Variants in ABCA13 observed in about 807,000 individuals in gnomAD.
ABCA13 encodes the protein ATP-binding cassette sub-family A member 13.
ABCA13 carries 476 observed loss-of-function variants against 478.7 expected under a neutral mutation model. The observed-to-expected ratio is 0.99, with a 90% confidence interval of 0.92 to 1.07. The LOEUF (loss-of-function observed/expected upper bound fraction) is 1.07, where lower values mean the gene tolerates loss of function less well. Ranked by LOEUF, ABCA13 falls within the 50% of genes least tolerant of loss-of-function variation. The pLI, the probability that ABCA13 is intolerant of heterozygous loss-of-function variation, is 0.00. For missense variants in ABCA13, 6,060 were observed against 5,910.6 expected, an observed-to-expected ratio of 1.03 and a Z score of -0.83; for synonymous variants, 2,252 against 2,158.9, an observed-to-expected ratio of 1.04 and a Z score of -1.20.
Position 48,216,821 on chromosome 7 carries a change from G to A in ABCA13, c.288-2533G>A, listed in dbSNP as rs530370861. Among the ~76,000 whole-genome samples the A allele has an allele frequency of 2.0e-5, 3 of 152,186 alleles. 1 individual carries two copies. Among genetic ancestry groups the A allele is most frequent in the African/African-American group, 7.2e-5 (3 of 41,526 alleles). ...CATGTGGATATGCAGTTGTCCTAAA[G>A]GGTTACCTTCTATCTATAGATTAGT... is the stretch of plus-strand genomic sequence containing the variant. On this transcript the variant is annotated intron_variant, in intron 3 of 61. Transcript: ENST00000435803.
At chr7:48,246,066 C>T in intron 13 of ABCA13, 36 bp downstream of exon 13, 3 of 1,576,430 alleles carry the variant, frequency 1.9e-6, no homozygotes, top group Non-Finnish European at 2.6e-6. Context: ...TCTAAGGGCA[C>T]AAATTTAAGA....
intron 31 of ABCA13, among the ~76,000 whole-genome samples, chr7:48,355,983 G>T (rs1809844113): frequency 6.6e-6 from 1 of 151,864 alleles, no homozygotes; most frequent in African/African-American, 2.4e-5. Context: ...ACCATGGGAA[G>T]GAGTATAGAT....
At chr7:48,214,425 G>T (rs1433249100) in intron 3 of ABCA13, among the ~76,000 whole-genome samples, 1 of 152,174 alleles carries the variant, frequency 6.6e-6, no homozygotes, top group African/African-American at 2.4e-5. Flanking sequence ...TAACAAGAGA[G>T]TCAGCCTGTC....
At chr7:48,583,001 G>A (rs1056900196) in intron 56 of ABCA13, among the ~76,000 whole-genome samples, 2 of 152,146 alleles carry the variant, frequency 1.3e-5, no homozygotes, top group Non-Finnish European at 2.9e-5. Context: ...ATGTGTCAGA[G>A]TTCATCATGC....
At chr7:48,633,169 A>G (rs572182942) in intron 59 of ABCA13, among the ~76,000 whole-genome samples, 1 of 152,340 alleles carries the variant, frequency 6.6e-6, no homozygotes, top group Admixed American at 6.5e-5. Context: ...CCTGATAAGA[A>G]ATTGGCATCC....
chr7:48,432,060 A>G (rs2129144966), intron 42 of ABCA13, among the ~76,000 whole-genome samples: 1 of 152,264 alleles, frequency 6.6e-6, no homozygotes, highest in African/African-American at 2.4e-5. Context: ...GTGCACATGT[A>G]CCCTAGAACT....
intron 58 of ABCA13, among the ~76,000 whole-genome samples, chr7:48,603,039 T>C (rs11607093): frequency 1.3e-5 from 2 of 152,196 alleles, no homozygotes; most frequent in Admixed American, 1.3e-4. Context: ...TTGTCTGTTA[T>C]TGGTATATAG....
intron 3 of ABCA13, among the ~76,000 whole-genome samples, chr7:48,214,846 T>G (rs1223787199): frequency 6.6e-6 from 1 of 152,222 alleles, no homozygotes; most frequent in Non-Finnish European, 1.5e-5. Context: ...ATCACTTTCT[T>G]ATCATTTGTG....
At chr7:48,519,388 C>T (rs1832369643) in intron 52 of ABCA13, among the ~76,000 whole-genome samples, 1 of 152,170 alleles carries the variant, frequency 6.6e-6, no homozygotes, top group African/African-American at 2.4e-5. Flanking sequence ...CACCATCTTC[C>T]ACAGTGGTGA....
At chr7:48,604,569 A>G (rs1012968820) in intron 58 of ABCA13, among the ~76,000 whole-genome samples, 1 of 152,066 alleles carries the variant, frequency 6.6e-6, no homozygotes. Flanking sequence ...CCTGAGTTCT[A>G]ATTTGATTGC....
intron 15 of ABCA13, among the ~76,000 whole-genome samples, chr7:48,255,005 C>T (rs1388208459): frequency 6.6e-6 from 1 of 152,174 alleles, no homozygotes; most frequent in Non-Finnish European, 1.5e-5. Context: ...CACACAAATT[C>T]CCAGTGCCTC....
intron 58 of ABCA13, among the ~76,000 whole-genome samples, chr7:48,598,665 G>A (rs894577260): frequency 1.2e-4 from 18 of 151,896 alleles, no homozygotes; most frequent in Admixed American, 6.6e-4. Context: ...AATGTCTTTC[G>A]AAGTGCAAAC....
intron 58 of ABCA13, among the ~76,000 whole-genome samples, chr7:48,606,681 T>C (rs1217043943): frequency 6.6e-6 from 1 of 152,190 alleles, no homozygotes; most frequent in African/African-American, 2.4e-5. Context: ...CCAGTCAGGA[T>C]ACACAGGGGT....
chr7:48,353,383 T>C (rs1271022066), intron 31 of ABCA13, among the ~76,000 whole-genome samples: 2 of 151,514 alleles, frequency 1.3e-5, no homozygotes, highest in African/African-American at 2.4e-5. Context: ...CTCAGGAAGG[T>C]ACCACCTTCC....
intron 58 of ABCA13, chr7:48,612,110 G>A (rs1218314304): frequency 4.6e-5 from 7 of 152,056 alleles, no homozygotes; most frequent in African/African-American, 1.2e-4. Flanking sequence ...TCTTTCCACC[G>A]TGCCACCATC....
At chr7:48,436,809 A>G (rs1822897929) in intron 42 of ABCA13, among the ~76,000 whole-genome samples, 2 of 144,192 alleles carry the variant, frequency 1.4e-5, no homozygotes, top group South Asian at 2.2e-4. Context: ...AAATTTCCAC[A>G]TATTTGTGAA....
intron 48 of ABCA13, among the ~76,000 whole-genome samples, chr7:48,496,138 C>G (rs1327400672): frequency 6.6e-6 from 1 of 152,018 alleles, no homozygotes; most frequent in African/African-American, 2.4e-5. Flanking sequence ...CTGACATTAT[C>G]ATTTGTTTTA....
At chr7:48,298,951 G>C in intron 23 of ABCA13, among the ~76,000 whole-genome samples, 1 of 152,190 alleles carries the variant, frequency 6.6e-6, no homozygotes, top group East Asian at 1.9e-4. Context: ...GAATCACTGT[G>C]AACGCAAATG....
chr7:48,354,618 C>A (rs1190775933), intron 31 of ABCA13, among the ~76,000 whole-genome samples: 1 of 152,028 alleles, frequency 6.6e-6, no homozygotes, highest in Non-Finnish European at 1.5e-5. Flanking sequence ...ATGGAATTAC[C>A]TCTCTTATTC....
Sources: allele counts gnomAD v4.1 joint callset (sites outside exome capture counted in the v4.1 genomes callset), GRCh38; gene constraint gnomAD v4.1.1; transcripts MANE v1.5; gene names NCBI Gene and HGNC (gene_info 2026-07-23, HGNC 2026-07-21).